PON2: variants seen among roughly 807,000 people sequenced by gnomAD.
PON2 encodes serum paraoxonase/arylesterase 2.
A neutral mutation model predicts 36.6 loss-of-function variants in PON2; 27 were observed. The observed-to-expected ratio is 0.74, with a 90% CI of 0.54 to 1.02. The LOEUF is 1.02. PON2 is among the 50% of genes least tolerant of loss of function. PON2 has a pLI of 0.00. For missense variants in PON2, 363 were observed against 421.1 expected (o/e 0.86, Z 1.21); for synonymous variants, 149 against 156.3 (o/e 0.95, Z 0.35).
At chr7:95,430,929 C>T (rs1789426117) in intron 1 of PON2, among the ~76,000 whole-genome samples, 1 of 149,742 alleles carries the variant, frequency 6.7e-6, no homozygotes, top group Non-Finnish European at 1.5e-5. Context: ...AAAGGCTGCT[C>T]TTTCAGAAGT....
At position 95,409,985 on chromosome 7, in the gene PON2, A is replaced by G. The variant is rs1338839006; in HGVS notation, c.611T>C (p.Val204Ala). The G allele has an allele frequency of 6.2e-7, 1 of 1,613,864 alleles. No homozygotes were observed. The highest frequency in any genetic ancestry group is 1.1e-5 in the South Asian group (1 of 91,080). Residue 204 changes from valine (V) to alanine (A), a missense_variant, in exon 6 of 9, where the codon GTT (valine) becomes GCT (alanine). Transcript: ENST00000222572. ...ETYLNLHWAN[V>A]VYYSPNEVKV... is the part of the protein sequence containing the mutation. ...AACTTCATTTGGACTGTAGTAAACA[A>G]CATTTGCCCAGTGTAAGTTCAAGTA...
chr7:95,421,329 T>G (rs558548377), intron 2 of PON2, among the ~76,000 whole-genome samples: 1 of 152,374 alleles, frequency 6.6e-6, no homozygotes, highest in East Asian at 1.9e-4. Flanking sequence ...TATTGTCTAC[T>G]CTGAGACTTG....
intron 1 of PON2, among the ~76,000 whole-genome samples, chr7:95,425,640 G>C (rs938514739): frequency 6.6e-6 from 1 of 152,120 alleles, no homozygotes; most frequent in Admixed American, 6.5e-5. Flanking sequence ...AGCTTCTGAG[G>C]TCTAGACACT....
In PON2 at chr7:95,405,348, GGCTCTGTGGTATAAAGT is replaced by G; in HGVS notation, c.1030_1046del (p.Thr344LeufsTer4). 6.2e-7 allele frequency: 1 copy of G among 1,613,836 alleles called. No individual in the cohort carries two copies. The highest frequency in any genetic ancestry group is 8.5e-7 in the Non-Finnish European group (1 of 1,179,824). On this transcript the variant is annotated frameshift_variant, in exon 9 of 9. Transcript: ENST00000222572. LOFTEE classifies it high-confidence loss of function. ...GTACAATTTAGAGTTCACAATACAA[GGCTCTGTGGTATAAAGT>G]GCCTATGAGCAGCTTCCCATCATAC...
At chr7:95,426,385 T>A (rs181227141) in intron 1 of PON2, among the ~76,000 whole-genome samples, 2 of 152,354 alleles carry the variant, frequency 1.3e-5, no homozygotes, top group Non-Finnish European at 2.9e-5. Context: ...AAGTATAATT[T>A]ACCGCTGTTC....
In PON2 at chr7:95,434,636, T is replaced by C. The variant is rs17876052; in HGVS notation, c.74+242A>G. 4.7e-3 allele frequency among the ~76,000 whole-genome samples: 716 copies of C among 152,352 alleles called. 8 individuals are homozygous for C. The highest frequency in any genetic ancestry group is 0.016 in the African/African-American group (667 of 41,582). ...GAACTTTGTTAGCAGCAAGGGCTTA[T>C]AAACTTTCAAGAAAGTGTCGCGATT... On this transcript the variant is annotated intron_variant, in intron 1 of 8. Coordinates refer to ENST00000222572, the MANE Select transcript of PON2 (RefSeq NM_000305.3).
chr7:95,434,690 A>G lies in PON2; in HGVS notation c.74+188T>C, dbSNP rs13306700. On this transcript the variant is annotated intron_variant, in intron 1 of 8. Coordinates refer to ENST00000222572, the MANE Select transcript of PON2 (RefSeq NM_000305.3). The stretch of plus-strand genomic sequence containing the variant: ...TCCAAACTTTGCTAGTTTTTTCACT[A>G]GAAGCGGAGAGTCGGGGTGATGGGG... Among the ~76,000 whole-genome samples the G allele has an allele frequency of 2.5e-4, 38 of 152,306 alleles. No homozygotes were observed. The East Asian group carries it at 7.0e-3, about 28-fold the overall frequency.
intron 3 of PON2, chr7:95,412,851 C>G (rs1788968047): frequency 3.2e-6 from 1 of 310,454 alleles, no homozygotes; most frequent in East Asian, 8.3e-5. Context: ...CATCCTTCTC[C>G]CACTGATTCA....
intron 2 of PON2, among the ~76,000 whole-genome samples, chr7:95,423,978 C>G (rs555209086): frequency 6.6e-6 from 1 of 152,274 alleles, no homozygotes; most frequent in East Asian, 1.9e-4. Flanking sequence ...AGGGTAACCA[C>G]CTCATGATTC....
At chr7:95,417,690 G>GACACACACACACAC (rs555142509) in intron 2 of PON2, among the ~76,000 whole-genome samples, 9 of 93,876 alleles carry the variant, frequency 9.6e-5, no homozygotes, top group South Asian at 4.5e-4. Context: ...TGTACACACA[G>GACACACACACACAC]ACACACACAC....
At chr7:95,413,569 A>G (rs1788989589) in intron 3 of PON2, among the ~76,000 whole-genome samples, 1 of 152,214 alleles carries the variant, frequency 6.6e-6, no homozygotes, top group Non-Finnish European at 1.5e-5. Context: ...ACTCACTGAG[A>G]TGATATAGGT....
intron 1 of PON2, among the ~76,000 whole-genome samples, chr7:95,432,583 C>T (rs749717764): frequency 7.2e-5 from 11 of 151,906 alleles, no homozygotes; most frequent in Non-Finnish European, 1.5e-4. Flanking sequence ...GAGAAAACTT[C>T]CAACTTGCAG....
chr7:95,433,248 TTTTATTTA>T (rs17876062), intron 1 of PON2, among the ~76,000 whole-genome samples: 81 of 152,108 alleles, frequency 5.3e-4, no homozygotes, highest in African/African-American at 1.9e-3. Flanking sequence ...AAATTTTGTT[TTTTATTTA>T]TTTATTTATT....
At chr7:95,423,227 C>T (rs1185648822) in intron 2 of PON2, among the ~76,000 whole-genome samples, 10 of 145,614 alleles carry the variant, frequency 6.9e-5, no homozygotes, top group East Asian at 4.1e-4. Flanking sequence ...GAGGACGAGG[C>T]GGGAGGATCG....
chr7:95,430,025 T>C (rs756891743), intron 1 of PON2, among the ~76,000 whole-genome samples: 31 of 152,316 alleles, frequency 2.0e-4, no homozygotes, highest in Non-Finnish European at 4.3e-4. Flanking sequence ...ATTTATATTA[T>C]TCTGTTGAAC....
chr7:95,432,395 C>A (rs1448628756), intron 1 of PON2, among the ~76,000 whole-genome samples: 1 of 152,054 alleles, frequency 6.6e-6, no homozygotes, highest in Non-Finnish European at 1.5e-5. Context: ...GGCGGCAGAG[C>A]AAGACCTTGT....
At chr7:95,405,583 T>A (rs2116446102) in intron 8 of PON2, 95 bp from the exon 9 acceptor site, 2 of 1,191,548 alleles carry the variant, frequency 1.7e-6, no homozygotes, top group Non-Finnish European at 2.5e-6. Context: ...ACACACTGAT[T>A]AAGGGGACAT....
intron 6 of PON2, among the ~76,000 whole-genome samples, chr7:95,407,485 A>C (rs369018890): frequency 2.0e-5 from 3 of 152,204 alleles, no homozygotes; most frequent in East Asian, 1.9e-4. Flanking sequence ...TCATTCCTTA[A>C]TATTCAATAA....
intron 7 of PON2, among the ~76,000 whole-genome samples, 156 bp downstream of exon 7, chr7:95,406,831 A>C (rs1354284064): frequency 6.6e-6 from 1 of 152,194 alleles, no homozygotes; most frequent in Non-Finnish European, 1.5e-5. Flanking sequence ...AGATCGCTGG[A>C]AACAGGAGCT....
Sources: allele counts gnomAD v4.1 joint callset (sites outside exome capture counted in the v4.1 genomes callset), GRCh38; gene constraint gnomAD v4.1.1; transcripts MANE v1.5; gene names NCBI Gene and HGNC (gene_info 2026-07-23, HGNC 2026-07-21).